Variants in GLIS3 observed in about 807,000 individuals in gnomAD.
GLIS3 encodes the protein zinc finger protein GLIS3.
Under a neutral mutation model 78.6 loss-of-function variants are expected in GLIS3, and 53 were observed. That is an observed-to-expected ratio of 0.67 (90% CI 0.54 to 0.85). GLIS3 has a LOEUF of 0.85. Ranked by LOEUF, GLIS3 falls within the 40% of genes least tolerant of loss-of-function variation. GLIS3 has a pLI of 0.00. For synonymous variants in GLIS3, 684 were observed against 509.9 expected, an observed-to-expected ratio of 1.34 and a Z score of -4.60; for missense variants, 1,703 against 1,231.1, an observed-to-expected ratio of 1.38 and a Z score of -5.74.
chr9:4,072,803 A>G (rs896250905), intron 4 of GLIS3, among the ~76,000 whole-genome samples: 1 of 151,634 alleles, frequency 6.6e-6, no homozygotes, highest in African/African-American at 2.4e-5. Context: ...TCTTTCTTCT[A>G]TATAAGTAGA....
the GLIS3 span, among the ~76,000 whole-genome samples, chr9:4,361,927 CTT>C: frequency 6.6e-6 from 1 of 152,174 alleles, no homozygotes; most frequent in Admixed American, 6.5e-5. Flanking sequence ...TGTTATCTCT[CTT>C]CTCCTCATCC....
Position 3,905,082 on chromosome 9 carries a change from C to T in GLIS3, c.1984-6247G>A, listed in dbSNP as rs551065687. On this transcript the variant is annotated intron_variant, in intron 6 of 10. Coordinates refer to ENST00000381971, the MANE Select transcript of GLIS3 (RefSeq NM_001042413.2). ...CTGCCTCCCAGGTTCATGCCATTCT[C>T]CTGCCTCAGCCTCCCGAGTAGCTGG... Among the ~76,000 whole-genome samples the T allele has an allele frequency of 1.9e-3, 283 of 151,728 alleles. 1 individual carries two copies. The highest frequency in any genetic ancestry group is 2.5e-3 in the Non-Finnish European group (173 of 67,918).
chr9:4,489,491 G>C, the GLIS3 span, among the ~76,000 whole-genome samples: 43 of 152,266 alleles, frequency 2.8e-4, no homozygotes, highest in Non-Finnish European at 4.4e-4. Context: ...TAAGAAGACC[G>C]CTTACAGCTG....
At chr9:4,463,645 C>T in the GLIS3 span, among the ~76,000 whole-genome samples, 1 of 152,088 alleles carries the variant, frequency 6.6e-6, no homozygotes, top group Non-Finnish European at 1.5e-5. Context: ...GAATAAACCT[C>T]AAATGGGAAG....
the GLIS3 span, among the ~76,000 whole-genome samples, chr9:4,407,838 TGAGA>T: frequency 3.3e-5 from 5 of 151,882 alleles, no homozygotes; most frequent in African/African-American, 7.3e-5. Context: ...ACCCGCAGAA[TGAGA>T]GAAAGTATTT....
intron 2 of GLIS3, among the ~76,000 whole-genome samples, chr9:4,201,788 A>C (rs1586960809): frequency 6.6e-6 from 1 of 152,330 alleles, no homozygotes; most frequent in Non-Finnish European, 1.5e-5. Flanking sequence ...ATTCAGTGCT[A>C]TTCCTATTAA....
intron 4 of GLIS3, among the ~76,000 whole-genome samples, chr9:3,997,371 A>AAAAAT (rs569835206): frequency 3.5e-3 from 535 of 152,002 alleles, no homozygotes; most frequent in Admixed American, 0.014. Flanking sequence ...CAATAAAAAT[A>AAAAAT]AAAATAAAAT....
chr9:4,329,512 C>T (rs1377370367), intron 2 of GLIS3, among the ~76,000 whole-genome samples: 2 of 152,098 alleles, frequency 1.3e-5, no homozygotes, highest in Non-Finnish European at 1.5e-5. Flanking sequence ...CCACCATAAC[C>T]CCACCTACCT....
At chr9:4,061,474 T>G (rs1387911871) in intron 4 of GLIS3, among the ~76,000 whole-genome samples, 1 of 152,120 alleles carries the variant, frequency 6.6e-6, no homozygotes, top group Non-Finnish European at 1.5e-5. Flanking sequence ...GGATGGACAT[T>G]TGGATCAACT....
chr9:4,423,940 C>T, the GLIS3 span, among the ~76,000 whole-genome samples: 3 of 152,178 alleles, frequency 2.0e-5, no homozygotes, highest in Non-Finnish European at 4.4e-5. Context: ...AACAATGACC[C>T]TAATCCACCA....
At chr9:4,373,089 T>A in the GLIS3 span, among the ~76,000 whole-genome samples, 3 of 152,208 alleles carry the variant, frequency 2.0e-5, no homozygotes, top group East Asian at 5.8e-4. Flanking sequence ...CCCAGAAAAG[T>A]GGCTTCCCTG....
the GLIS3 span, among the ~76,000 whole-genome samples, chr9:4,429,107 G>A: frequency 6.6e-6 from 1 of 152,130 alleles, no homozygotes; most frequent in Admixed American, 6.5e-5. Flanking sequence ...CAGCCTGGAA[G>A]TGGCAGTTCC....
chr9:4,342,249 T>A (rs1199769076), intron 2 of GLIS3, among the ~76,000 whole-genome samples: 1 of 152,208 alleles, frequency 6.6e-6, no homozygotes, highest in Admixed American at 6.5e-5. Context: ...CTTTAACCCA[T>A]CTTGAGTTAA....
At chr9:4,193,180 C>A (rs1229863614) in intron 2 of GLIS3, among the ~76,000 whole-genome samples, 1 of 152,214 alleles carries the variant, frequency 6.6e-6, no homozygotes, top group African/African-American at 2.4e-5. Context: ...GCCTGCGAGA[C>A]TTTTGTATGG....
chr9:4,017,477 G>A (rs566363901), intron 4 of GLIS3, among the ~76,000 whole-genome samples: 1 of 152,274 alleles, frequency 6.6e-6, no homozygotes, highest in East Asian at 1.9e-4. Flanking sequence ...ATACAAGGCA[G>A]TATACAAATG....
intron 4 of GLIS3, among the ~76,000 whole-genome samples, chr9:4,114,829 G>A (rs1014953025): frequency 1.3e-5 from 2 of 152,018 alleles, no homozygotes; most frequent in Non-Finnish European, 2.9e-5. Context: ...ATCTACACAA[G>A]GGTGGAGTTG....
intron 2 of GLIS3, among the ~76,000 whole-genome samples, chr9:4,263,687 T>C (rs1825732167): frequency 6.6e-6 from 1 of 152,242 alleles, no homozygotes; most frequent in Non-Finnish European, 1.5e-5. Flanking sequence ...AGGTCAGTAG[T>C]GACCTTCATC....
chr9:4,091,221 G>A (rs1829471120), intron 4 of GLIS3, among the ~76,000 whole-genome samples: 1 of 151,934 alleles, frequency 6.6e-6, no homozygotes, highest in Non-Finnish European at 1.5e-5. Flanking sequence ...TTAAAAATTA[G>A]CCAGACGTGG....
At chr9:4,255,202 C>T (rs960417525) in intron 2 of GLIS3, among the ~76,000 whole-genome samples, 1 of 152,174 alleles carries the variant, frequency 6.6e-6, no homozygotes, top group Non-Finnish European at 1.5e-5. Flanking sequence ...ATTCAGAACA[C>T]TGACAACATC....
Sources: allele counts gnomAD v4.1 joint callset (sites outside exome capture counted in the v4.1 genomes callset), GRCh38; gene constraint gnomAD v4.1.1; transcripts MANE v1.5; gene names NCBI Gene and HGNC (gene_info 2026-07-23, HGNC 2026-07-21).